The following ZSWIM6 variants were observed in gnomAD, a reference collection of about 807,000 sequenced individuals.
ZSWIM6 encodes zinc finger SWIM domain-containing protein 6.
A neutral mutation model predicts 113.2 loss-of-function variants in ZSWIM6; 9 were observed. The ratio of observed to expected loss-of-function variants is 0.08; its 90% confidence interval spans 0.05 to 0.14. The LOEUF (loss-of-function observed/expected upper bound fraction) is 0.14, where lower values mean the gene tolerates loss of function less well. Ranked by LOEUF, ZSWIM6 falls within the 10% of genes least tolerant of loss-of-function variation. ZSWIM6 has a pLI of 1.00. For missense variants in ZSWIM6, 1,162 were observed against 1,552.2 expected, an observed-to-expected ratio of 0.75 and a Z score of 4.22; for synonymous variants, 611 against 606.5, an observed-to-expected ratio of 1.01 and a Z score of -0.11.
intron 4 of ZSWIM6, among the ~76,000 whole-genome samples, chr5:61,505,912 A>G (rs933342233): frequency 1.3e-5 from 2 of 151,338 alleles, no homozygotes; most frequent in Non-Finnish European, 2.9e-5. Context: ...ATGCCCAGCT[A>G]ATTTTTTGTA....
chr5:61,354,502 T>C (rs1744858086), intron 1 of ZSWIM6, among the ~76,000 whole-genome samples: 1 of 152,172 alleles, frequency 6.6e-6, no homozygotes. Flanking sequence ...TGACACGAGA[T>C]GTATTTAAGC....
intron 1 of ZSWIM6, among the ~76,000 whole-genome samples, chr5:61,356,963 G>A (rs1431462579): frequency 3.3e-5 from 5 of 151,214 alleles, no homozygotes; most frequent in Admixed American, 2.0e-4. Flanking sequence ...ACAGACCAAC[G>A]TAAGATGGTC....
rs1347712094 is a variant in ZSWIM6 at position 61,544,347 on chromosome 5, G to A, written c.*30G>A. The A allele has an allele frequency of 8.7e-6, 1 of 115,530 alleles. No homozygotes were observed. Among genetic ancestry groups the A allele is most frequent in the Non-Finnish European group, 1.7e-5 (1 of 58,196 alleles). 7.2% of individuals were successfully genotyped at this position (115,530 alleles called of 1,614,324 possible). A position where few individuals can be genotyped will look rare whatever the true frequency, so the allele number is the denominator to read the frequency against. Reference sequence around the variant, plus strand: ...TCTTGTATGAATGGGGTGGGGGGTGGGGATGGGAGGGATGGTTTGTTTTTA... The same window carrying A: ...TCTTGTATGAATGGGGTGGGGGGTGAGGATGGGAGGGATGGTTTGTTTTTA... On this transcript the variant is annotated 3_prime_UTR_variant, in exon 14 of 14. Coordinates refer to ENST00000252744, the MANE Select transcript of ZSWIM6 (RefSeq NM_020928.2).
At chr5:61,380,382 C>G (rs1432850931) in intron 1 of ZSWIM6, among the ~76,000 whole-genome samples, 1 of 152,132 alleles carries the variant, frequency 6.6e-6, no homozygotes, top group African/African-American at 2.4e-5. Flanking sequence ...AGCCCACAGA[C>G]AGTCATTAGT....
chr5:61,355,429 AAAACACACACACACAC>A (rs1744879248), intron 1 of ZSWIM6, among the ~76,000 whole-genome samples: 1 of 107,458 alleles, frequency 9.3e-6, no homozygotes, highest in African/African-American at 3.7e-5. Flanking sequence ...GAGAGACTTT[AAAACACACACACACAC>A]ACACACACAC....
intron 4 of ZSWIM6, among the ~76,000 whole-genome samples, chr5:61,510,129 T>C (rs1024609904): frequency 1.6e-4 from 24 of 151,554 alleles, no homozygotes; most frequent in South Asian, 2.1e-4. Context: ...TTATGGCTGG[T>C]AATCCATATC....
At chr5:61,439,714 G>C (rs549328037) in intron 1 of ZSWIM6, among the ~76,000 whole-genome samples, 1 of 152,096 alleles carries the variant, frequency 6.6e-6, no homozygotes, top group Admixed American at 6.5e-5. Flanking sequence ...ATTTGTCTTG[G>C]TATGTTTGTG....
chr5:61,359,269 A>G (rs528500249), intron 1 of ZSWIM6, among the ~76,000 whole-genome samples: 1 of 152,210 alleles, frequency 6.6e-6, no homozygotes, highest in South Asian at 2.1e-4. Flanking sequence ...GGATGCAAAT[A>G]GGAGACAGGT....
At chr5:61,409,780 G>A (rs994686394) in intron 1 of ZSWIM6, among the ~76,000 whole-genome samples, 16 of 152,152 alleles carry the variant, frequency 1.1e-4, no homozygotes, top group Non-Finnish European at 2.2e-4. Flanking sequence ...AGAGCTGCGG[G>A]TGGGTAAGCA....
At chr5:61,359,924 G>A (rs1237688986) in intron 1 of ZSWIM6, among the ~76,000 whole-genome samples, 1 of 152,100 alleles carries the variant, frequency 6.6e-6, no homozygotes, top group Non-Finnish European at 1.5e-5. Flanking sequence ...ATTGGTTATA[G>A]TGATGTTGAA....
At chr5:61,538,117 G>A (rs897724298) in intron 10 of ZSWIM6, among the ~76,000 whole-genome samples, 21 of 152,062 alleles carry the variant, frequency 1.4e-4, no homozygotes, top group Admixed American at 1.2e-3. Flanking sequence ...ACAGGGTTTC[G>A]CCATGACAGT....
intron 1 of ZSWIM6, among the ~76,000 whole-genome samples, chr5:61,396,053 T>G (rs1421892506): frequency 2.0e-5 from 3 of 152,120 alleles, no homozygotes; most frequent in Non-Finnish European, 4.4e-5. Context: ...TACAGTCTGG[T>G]GTTTGGAGGC....
At chr5:61,335,885 A>G (rs1033092187) in intron 1 of ZSWIM6, among the ~76,000 whole-genome samples, 1 of 152,266 alleles carries the variant, frequency 6.6e-6, no homozygotes, top group Non-Finnish European at 1.5e-5. Flanking sequence ...AGTAGTTGTA[A>G]GCAATATTTA....
intron 1 of ZSWIM6, among the ~76,000 whole-genome samples, chr5:61,457,534 T>A (rs996464202): frequency 4.6e-5 from 7 of 152,146 alleles, no homozygotes; most frequent in Non-Finnish European, 1.0e-4. Context: ...TTATTTTTAT[T>A]TTTTGAGACA....
At chr5:61,337,285 C>CT (rs1554028904) in intron 1 of ZSWIM6, among the ~76,000 whole-genome samples, 2 of 150,388 alleles carry the variant, frequency 1.3e-5, no homozygotes, top group South Asian at 4.2e-4. Flanking sequence ...TCTCCCCCCC[C>CT]AAAAAAAACA....
At chr5:61,409,483 G>T (rs1315862748) in intron 1 of ZSWIM6, among the ~76,000 whole-genome samples, 3 of 152,056 alleles carry the variant, frequency 2.0e-5, no homozygotes, top group East Asian at 1.9e-4. Flanking sequence ...GATAGTTTTG[G>T]GTTATTACTG....
intron 1 of ZSWIM6, among the ~76,000 whole-genome samples, chr5:61,436,669 G>A (rs913918084): frequency 1.5e-4 from 23 of 152,300 alleles, no homozygotes; most frequent in African/African-American, 5.5e-4. Context: ...TGGGGCAAAT[G>A]GATGACCCTG....
At chr5:61,496,255 C>A (rs1221594701) in intron 4 of ZSWIM6, among the ~76,000 whole-genome samples, 1 of 152,022 alleles carries the variant, frequency 6.6e-6, no homozygotes, top group Admixed American at 6.6e-5. Flanking sequence ...TGCCCCCCAC[C>A]CACTGCCCAA....
chr5:61,384,245 C>G (rs111735843), intron 1 of ZSWIM6, among the ~76,000 whole-genome samples: 1 of 103,554 alleles, frequency 9.7e-6, no homozygotes, highest in Non-Finnish European at 1.8e-5. Flanking sequence ...GAGACTCCGT[C>G]TCAAAAAAAA....
Sources: allele counts gnomAD v4.1 joint callset (sites outside exome capture counted in the v4.1 genomes callset), GRCh38; gene constraint gnomAD v4.1.1; transcripts MANE v1.5; gene names NCBI Gene and HGNC (gene_info 2026-07-23, HGNC 2026-07-21).